The following P2RX7 variants were observed in gnomAD, a reference collection of about 807,000 sequenced individuals.
P2RX7 encodes the protein P2X purinoceptor 7.
A neutral mutation model predicts 71.6 loss-of-function variants in P2RX7; 62 were observed. That is an observed-to-expected ratio of 0.87 (90% CI 0.71 to 1.07). P2RX7 has a LOEUF of 1.07. Among genes scored for constraint, P2RX7 ranks in the 50% least tolerant of loss-of-function variants. The pLI, the probability that P2RX7 is intolerant of heterozygous loss-of-function variation, is 0.00. For missense variants in P2RX7, 686 were observed against 748.5 expected (o/e 0.92, Z 0.97); for synonymous variants, 299 against 283.3 (o/e 1.06, Z -0.56).
rs1447398473 is a variant in P2RX7 at position 121,162,701 on chromosome 12, T to C, written c.533+181T>C. 2.0e-5 allele frequency among the ~76,000 whole-genome samples: 3 copies of C among 152,186 alleles called. No individual in the cohort carries two copies. In the East Asian group the frequency reaches 5.8e-4, roughly 29 times the overall value. ...CAAACTAGTATCTCTGGGAGGGCCA[T>C]GGTGGTTGGTAAACTGTTGTAACAC... On this transcript the variant is annotated intron_variant, in intron 5 of 12. Transcript: ENST00000328963.
In P2RX7 at chr12:121,172,011, G is replaced by A. The variant is rs914639392; in HGVS notation, c.882-3377G>A. On this transcript the variant is annotated intron_variant, in intron 8 of 12. Transcript: ENST00000328963. Reference sequence around the variant, plus strand: ...CGAGTAGCTGGGACTACAGGTGCCCGCCACCACACCCGGCTAATTTTTTGC... The same window carrying A: ...CGAGTAGCTGGGACTACAGGTGCCCACCACCACACCCGGCTAATTTTTTGC... 3.3e-5 allele frequency among the ~76,000 whole-genome samples: 5 copies of A among 152,030 alleles called. No homozygotes were observed. The East Asian group carries it at 9.7e-4, about 29-fold the overall frequency.
chr12:121,157,614 T>C (rs1335248158), intron 3 of P2RX7, among the ~76,000 whole-genome samples: 1 of 152,164 alleles, frequency 6.6e-6, no homozygotes, highest in Non-Finnish European at 1.5e-5. Flanking sequence ...CACCACACTC[T>C]ACCTCCATGT....
chr12:121,171,626 T>A (rs1044957754), intron 8 of P2RX7, among the ~76,000 whole-genome samples: 1 of 152,124 alleles, frequency 6.6e-6, no homozygotes, highest in Admixed American at 6.6e-5. Context: ...GATTAGATAC[T>A]TGAACATATC....
chr12:121,183,995 G>A (rs1884563129), intron 12 of P2RX7, among the ~76,000 whole-genome samples: 1 of 151,524 alleles, frequency 6.6e-6, no homozygotes, highest in Non-Finnish European at 1.5e-5. Flanking sequence ...AACCTGGGAG[G>A]TGAAAGTTGC....
At chr12:121,152,709 G>A (rs549395668) in intron 1 of P2RX7, among the ~76,000 whole-genome samples, 2 of 152,294 alleles carry the variant, frequency 1.3e-5, no homozygotes, top group East Asian at 3.9e-4. Context: ...GTAGAGATGA[G>A]GTTTCACCAT....
intron 1 of P2RX7, among the ~76,000 whole-genome samples, chr12:121,139,952 G>A (rs1025990149): frequency 2.6e-5 from 4 of 152,096 alleles, no homozygotes; most frequent in African/African-American, 4.8e-5. Context: ...GGCTGGTCTC[G>A]AACTCCTGGC....
intron 8 of P2RX7, 48 bp from the exon 9 acceptor site, chr12:121,175,340 A>G (rs1045345995): frequency 1.9e-6 from 2 of 1,059,130 alleles, no homozygotes; most frequent in Non-Finnish European, 2.8e-6. Context: ...CCCAAAACCC[A>G]GCACTTTCAA....
rs551767395 is a variant in P2RX7, at chr12:121,163,431, G to A, written c.533+911G>A. Among the ~76,000 whole-genome samples the A allele has an allele frequency of 7.9e-5, 12 of 151,874 alleles. No homozygotes were observed. In the East Asian group the frequency reaches 1.5e-3, roughly 20 times the overall value. ...AGACCAGCACTGTCCAATTGAACTT[G>A]ATGCAGTGATGGAAATTTCTGTATC... On this transcript the variant is annotated intron_variant, in intron 5 of 12. Transcript: ENST00000328963.
At chr12:121,166,315 C>T in intron 7 of P2RX7, 128 bp downstream of exon 7, 2 of 993,886 alleles carry the variant, frequency 2.0e-6, no homozygotes, top group Non-Finnish European at 3.0e-6. Flanking sequence ...TTAGTAAATC[C>T]ACCCGCTACG....
intron 5 of P2RX7, among the ~76,000 whole-genome samples, chr12:121,163,565 GATAGATAA>G (rs1235317793): frequency 8.9e-6 from 1 of 112,126 alleles, no homozygotes; most frequent in African/African-American, 3.0e-5. Flanking sequence ...AAGATAGATA[GATAGATAA>G]ATAGATAATA....
chr12:121,155,118 G>A, intron 2 of P2RX7, 165 bp downstream of exon 2: 2 of 1,475,720 alleles, frequency 1.4e-6, no homozygotes, highest in South Asian at 2.5e-5. Flanking sequence ...GCAAAACTGG[G>A]TGAGATCCAG....
chr12:121,137,270 T>C (rs1873907090), intron 1 of P2RX7, among the ~76,000 whole-genome samples: 1 of 152,298 alleles, frequency 6.6e-6, no homozygotes, highest in Admixed American at 6.5e-5. Context: ...TCTAGGTACA[T>C]ATTTTTCAGC....
chr12:121,134,431 G>A (rs1449303491), intron 1 of P2RX7, among the ~76,000 whole-genome samples: 2 of 152,068 alleles, frequency 1.3e-5, no homozygotes, highest in South Asian at 4.2e-4. Flanking sequence ...TTGCTCTGTT[G>A]CCCAGGCTGG....
chr12:121,149,057 G>A lies in P2RX7; in HGVS notation c.126-5728G>A, dbSNP rs1565944735. The stretch of plus-strand genomic sequence containing the variant: ...CTGAAAGGGAGGTCCTCCCTGCAGA[G>A]CTTGAAGAGCAATCTAACCATGCTG... On this transcript the variant is annotated intron_variant, in intron 1 of 12. Transcript: ENST00000328963. The surrounding 1 kb of genome is among the most constrained non-coding windows in gnomAD (Gnocchi z 4.7). 1.7e-6 allele frequency: 1 copy of A among 584,960 alleles called. No individual in the cohort carries two copies. The highest frequency in any genetic ancestry group is 1.9e-5 in the Admixed American group (1 of 52,162). The allele number at this position is 584,960 out of a possible 1,614,324, so 36.2% of individuals were successfully genotyped here. A position where few individuals can be genotyped will look rare whatever the true frequency, so the allele number is the denominator to read the frequency against.
intron 1 of P2RX7, among the ~76,000 whole-genome samples, chr12:121,139,481 T>C (rs669547): frequency 0.18 from 27,301 of 152,160 alleles, 4,597 homozygotes; most frequent in African/African-American, 0.45. Flanking sequence ...GGCGCCAACA[T>C]GAGCCTATGC....
intron 8 of P2RX7, among the ~76,000 whole-genome samples, chr12:121,174,651 T>A (rs1882774080): frequency 6.6e-6 from 1 of 152,070 alleles, no homozygotes; most frequent in Admixed American, 6.6e-5. Context: ...AGTCCAGTAA[T>A]TAGTATGCAA....
Position 121,187,297 on chromosome 12 carries a change from A to C in P2RX7, c.*2495A>C, listed in dbSNP as rs1024320355. The C allele has an allele frequency of 1.5e-4, 23 of 152,370 alleles. No homozygotes were observed. Among genetic ancestry groups the C allele is most frequent in the African/African-American group, 5.5e-4 (23 of 41,598 alleles). 9.4% of individuals were successfully genotyped at this position (152,370 alleles called of 1,614,324 possible). A position where few individuals can be genotyped will look rare whatever the true frequency, so the allele number is the denominator to read the frequency against. On this transcript the variant is annotated 3_prime_UTR_variant, in exon 13 of 13. Transcript: ENST00000328963. ...TACTATATTCATGTAAGACAGCATG[A>C]ATAAAACCATTTTTTGATACAGGGT... is the stretch of plus-strand genomic sequence containing the variant.
At chr12:121,169,346 C>A (rs1881719181) in intron 8 of P2RX7, among the ~76,000 whole-genome samples, 1 of 152,198 alleles carries the variant, frequency 6.6e-6, no homozygotes, top group African/African-American at 2.4e-5. Flanking sequence ...CCATTCTTAC[C>A]TTAAGGATCC....
intron 8 of P2RX7, 78 bp from the exon 9 acceptor site, chr12:121,175,310 C>CAAAAAAAAAAAAAAAAAAAA (rs370710698): frequency 1.1e-5 from 5 of 468,412 alleles, no homozygotes; most frequent in Admixed American, 3.3e-5. Context: ...GACCCTGTCT[C>CAAAAAAAAAAAAAAAAAAAA]AAAAAAAAAA....
Sources: allele counts gnomAD v4.1 joint callset (sites outside exome capture counted in the v4.1 genomes callset), GRCh38; gene constraint gnomAD v4.1.1; non-coding constraint Gnocchi (gnomAD v3.1); transcripts MANE v1.5; gene names NCBI Gene and HGNC (gene_info 2026-07-23, HGNC 2026-07-21).